Variants in HABP2 observed in about 807,000 individuals in gnomAD.
HABP2 encodes the protein hyaluronan binding protein 2.
In HABP2, 65 loss-of-function variants were observed where a neutral mutation model predicts 66.5. That is an observed-to-expected ratio of 0.98 (90% CI 0.80 to 1.20). The LOEUF is 1.20. HABP2 is among the 50% of genes most tolerant of loss of function. The pLI, the probability that HABP2 is intolerant of heterozygous loss-of-function variation, is 0.00. For synonymous variants in HABP2, 263 were observed against 253.9 expected, an observed-to-expected ratio of 1.04 and a Z score of -0.34; for missense variants, 786 against 691.0, an observed-to-expected ratio of 1.14 and a Z score of -1.54.
At chr10:113,558,435 A>G (rs1412604269) in intron 1 of HABP2, among the ~76,000 whole-genome samples, 1 of 152,216 alleles carries the variant, frequency 6.6e-6, no homozygotes, top group Non-Finnish European at 1.5e-5. Context: ...TAAAGGTCTG[A>G]GCCTGAAGCG....
chr10:113,588,336 C>G lies in HABP2; in HGVS notation c.1650C>G (p.Ile550Met). The change falls in exon 13 of 13, where the codon ATC becomes ATG. Residue 550 changes from isoleucine to methionine, a missense_variant. Transcript: ENST00000351270. ...AAGTTACCAAATTCCTGAATTGGAT[C>G]AAAGCCACCATCAAAAGTGAAAGTG... ...YTQVTKFLNW[I>M]KATIKSESGF 1 of 1,613,542 alleles carries G rather than the reference C, an allele frequency of 6.2e-7. No homozygotes were observed.
chr10:113,564,241 C>A (rs778842988), intron 1 of HABP2, among the ~76,000 whole-genome samples: 1 of 152,098 alleles, frequency 6.6e-6, no homozygotes, highest in African/African-American at 2.4e-5. Context: ...GAAAAACACA[C>A]CCCCATGATT....
At chr10:113,561,247 T>C (rs955416087) in intron 1 of HABP2, among the ~76,000 whole-genome samples, 3 of 152,162 alleles carry the variant, frequency 2.0e-5, no homozygotes, top group African/African-American at 7.2e-5. Context: ...AATCCAGTGA[T>C]GATTTCAACT....
intron 8 of HABP2, among the ~76,000 whole-genome samples, chr10:113,581,151 G>A (rs1158353831): frequency 1.3e-5 from 2 of 152,056 alleles, no homozygotes; most frequent in East Asian, 1.9e-4. Context: ...CTGACCAGTG[G>A]GATTCCTTCC....
In HABP2 at chr10:113,578,702, G is replaced by T. The variant is rs1845462446; in HGVS notation, c.644G>T (p.Cys215Phe). 1 of 1,605,598 alleles carries T rather than the reference G, an allele frequency of 6.2e-7. No homozygotes were observed. The highest frequency in any genetic ancestry group is 1.3e-5 in the African/African-American group (1 of 74,814). ...KMNRTVNQHA[C>F]LYWNSHLLLQ... is the part of the protein sequence containing the mutation. Reference sequence around the variant, plus strand: ...AATAGGACAGTCAACCAGCATGCGTGCCTTTACTGGAACTCCCACCTCCTC... The same window carrying T: ...AATAGGACAGTCAACCAGCATGCGTTCCTTTACTGGAACTCCCACCTCCTC... The change falls in exon 7 of 13, where the codon TGC becomes TTC. Residue 215 changes from cysteine (C) to phenylalanine (F), a missense_variant. Cys to Phe is a radical substitution (Grantham distance 205, BLOSUM62 -2). Coordinates refer to ENST00000351270, the MANE Select transcript of HABP2 (RefSeq NM_004132.5).
chr10:113,585,746 C>A, intron 11 of HABP2, 47 bp from the exon 12 acceptor site: 1 of 1,535,388 alleles, frequency 6.5e-7, no homozygotes, highest in East Asian at 2.2e-5. Flanking sequence ...GTTGGTGCCA[C>A]CCTGGTCCCC....
In HABP2 at chr10:113,588,287, G is replaced by A. The variant is rs7080536; in HGVS notation, c.1601G>A (p.Gly534Glu). The change falls in exon 13 of 13, where the codon GGG becomes GAG. Residue 534 changes from glycine to glutamate, a missense_variant. Gly to Glu is a moderately conservative substitution (Grantham distance 98). Coordinates refer to ENST00000351270, the MANE Select transcript of HABP2 (RefSeq NM_004132.5). ...ATAGTGAGCTGGGGCCTGGAGTGTG[G>A]GAAGAGGCCAGGGGTCTACACCCAA... ...YGIVSWGLEC[G>E]KRPGVYTQVT... is the part of the protein sequence containing the mutation. 54,666 of 1,613,420 alleles carry A rather than the reference G, an allele frequency of 0.034. 1,123 individuals are homozygous for A. The highest frequency in any genetic ancestry group is 0.041 in the Non-Finnish European group (48,838 of 1,179,498).
intron 2 of HABP2, among the ~76,000 whole-genome samples, chr10:113,571,600 G>A (rs1407036141): frequency 4.6e-5 from 7 of 152,126 alleles, no homozygotes; most frequent in African/African-American, 1.7e-4. Context: ...AAAGGGTGTG[G>A]GTGCAGGGAG....
chr10:113,576,760 A>G (rs1256744828), intron 4 of HABP2, among the ~76,000 whole-genome samples: 2 of 152,142 alleles, frequency 1.3e-5, no homozygotes, highest in South Asian at 2.1e-4. Flanking sequence ...ATTTTTCAGG[A>G]TGGTTGAGAA....
chr10:113,575,787 A>G, intron 3 of HABP2, 110 bp from the exon 4 acceptor site: 1 of 687,188 alleles, frequency 1.5e-6, no homozygotes, highest in African/African-American at 1.8e-5. Context: ...CTGGCTCAGT[A>G]GTTACTCTCT....
At chr10:113,575,367 TG>T (rs1845389574) in intron 3 of HABP2, among the ~76,000 whole-genome samples, 1 of 152,224 alleles carries the variant, frequency 6.6e-6, no homozygotes, top group African/African-American at 2.4e-5. Flanking sequence ...TGAAGGCCAC[TG>T]GGTCATTTCC....
rs770715419 is a variant in HABP2, at chr10:113,578,640, C to T, written c.582C>T (p.Cys194=). Residue 194 remains cysteine, a synonymous_variant, in exon 7 of 13, where the codon TGC becomes TGT. Coordinates refer to ENST00000351270, the MANE Select transcript of HABP2 (RefSeq NM_004132.5). ...GCTCTCTCGGAGGTTCTGATGACTG[C>T]TATGTTGGCGATGGCTACTCTTACC... ...GKFCEIGSDD[C]YVGDGYSYRG... The T allele has an allele frequency of 6.2e-7, 1 of 1,612,690 alleles. No homozygotes were observed.
chr10:113,558,135 T>A (rs1453963084), intron 1 of HABP2, among the ~76,000 whole-genome samples: 3 of 152,222 alleles, frequency 2.0e-5, no homozygotes, highest in African/African-American at 7.2e-5. Flanking sequence ...GTCGCTCCCA[T>A]CTGGACGTTC....
intron 7 of HABP2, among the ~76,000 whole-genome samples, chr10:113,579,188 G>A (rs1845473797): frequency 6.6e-6 from 1 of 151,842 alleles, no homozygotes; most frequent in Admixed American, 6.6e-5. Context: ...GAACCCAGGA[G>A]GTCGAGGCTG....
At chr10:113,576,391 C>A (rs1245275826) in intron 4 of HABP2, among the ~76,000 whole-genome samples, 1 of 152,166 alleles carries the variant, frequency 6.6e-6, no homozygotes, top group Admixed American at 6.5e-5. Context: ...AGAAAGGGAA[C>A]CCAGAGAGTG....
intron 2 of HABP2, among the ~76,000 whole-genome samples, chr10:113,572,196 C>T (rs771180774): frequency 1.3e-5 from 2 of 152,208 alleles, no homozygotes; most frequent in Non-Finnish European, 2.9e-5. Context: ...CAATATGATT[C>T]AAAGCCTATG....
At chr10:113,586,028 A>G (rs1845627013) in intron 12 of HABP2, 90 bp downstream of exon 12, 1 of 1,143,708 alleles carries the variant, frequency 8.7e-7, no homozygotes, top group African/African-American at 1.5e-5. Flanking sequence ...GCTGGGAGCT[A>G]GGTTCAGAGG....
At position 113,556,528 on chromosome 10, in the gene HABP2, G is replaced by A. The variant is rs117409443; in HGVS notation, c.69+3338G>A. ...CCAGGAGTTTGAGACTAGCAACATA[G>A]CAAGACTCTGTCTCTATCAAAAAAA... On this transcript the variant is annotated intron_variant, in intron 1 of 12. Transcript: ENST00000351270. Among the ~76,000 whole-genome samples, 30 of 152,132 alleles carry A rather than the reference G, an allele frequency of 2.0e-4. No homozygotes were observed. In the East Asian group the frequency reaches 3.5e-3, roughly 18 times the overall value.
chr10:113,588,203 A>C lies in HABP2; in HGVS notation c.1519-2A>C, dbSNP rs1008350223. On this transcript the variant is annotated splice_acceptor_variant, in intron 12 of 12. Coordinates refer to ENST00000351270, the MANE Select transcript of HABP2 (RefSeq NM_004132.5). LOFTEE classifies it high-confidence loss of function. ...ATGAGCTTATGCCTCTGTTTCCCTT[A>C]GGGTGACTCTGGAGGCCCCCTGACC... 3.7e-6 allele frequency: 6 copies of C among 1,600,154 alleles called. No individual in the cohort carries two copies. Among genetic ancestry groups the C allele is most frequent in the Non-Finnish European group, 5.1e-6 (6 of 1,174,172 alleles).
Sources: allele counts gnomAD v4.1 joint callset (sites outside exome capture counted in the v4.1 genomes callset), GRCh38; gene constraint gnomAD v4.1.1; transcripts MANE v1.5; gene names NCBI Gene and HGNC (gene_info 2026-07-23, HGNC 2026-07-21).